The following PTPRD variants were observed in gnomAD, a reference collection of about 807,000 sequenced individuals.
The protein encoded by PTPRD is receptor-type tyrosine-protein phosphatase delta.
Under a neutral mutation model 214.5 loss-of-function variants are expected in PTPRD, and 34 were observed. That is an observed-to-expected ratio of 0.16 (90% confidence interval 0.12 to 0.21). PTPRD has a LOEUF of 0.21. Among genes scored for constraint, PTPRD ranks in the 10% least tolerant of loss-of-function variants. The pLI, the probability that PTPRD is intolerant of heterozygous loss-of-function variation, is 1.00. For synonymous variants in PTPRD, 1,128 were observed against 845.7 expected, an observed-to-expected ratio of 1.33 and a Z score of -5.79; for missense variants, 2,545 against 2,398.7, an observed-to-expected ratio of 1.06 and a Z score of -1.27.
At chr9:9,081,234 G>A (rs1020043463) in intron 10 of PTPRD, among the ~76,000 whole-genome samples, 15 of 151,992 alleles carry the variant, frequency 9.9e-5, no homozygotes, top group African/African-American at 3.6e-4. Flanking sequence ...ATTTATTTCT[G>A]CCTTAATTTC....
At chr9:8,868,640 C>T (rs567121063) in intron 11 of PTPRD, among the ~76,000 whole-genome samples, 17 of 152,004 alleles carry the variant, frequency 1.1e-4, no homozygotes, top group Non-Finnish European at 1.8e-4. Context: ...TCTTTTTTTT[C>T]TCCCAGCTCT....
chr9:10,451,560 T>C (rs1174746328), intron 2 of PTPRD, among the ~76,000 whole-genome samples: 2 of 151,640 alleles, frequency 1.3e-5, no homozygotes, highest in Non-Finnish European at 2.9e-5. Flanking sequence ...AATCGGATGA[T>C]TAAAATACTA....
At chr9:9,039,573 C>T (rs2099632858) in intron 10 of PTPRD, among the ~76,000 whole-genome samples, 3 of 152,114 alleles carry the variant, frequency 2.0e-5, no homozygotes, top group African/African-American at 7.2e-5. Flanking sequence ...CTTTCTGCTA[C>T]AAGAGTTGAT....
chr9:8,515,256 G>C (rs1471234482), intron 21 of PTPRD, among the ~76,000 whole-genome samples: 1 of 152,144 alleles, frequency 6.6e-6, no homozygotes, highest in East Asian at 1.9e-4. Context: ...TGGCAAGTGG[G>C]ATAATTCCAC....
At chr9:9,753,884 T>G (rs1162437504) in intron 6 of PTPRD, among the ~76,000 whole-genome samples, 1 of 152,020 alleles carries the variant, frequency 6.6e-6, no homozygotes, top group African/African-American at 2.4e-5. Context: ...AATTCTTCCC[T>G]TAAGAACCTA....
At chr9:8,601,150 T>A (rs1251819699) in intron 14 of PTPRD, among the ~76,000 whole-genome samples, 1 of 152,106 alleles carries the variant, frequency 6.6e-6, no homozygotes, top group African/African-American at 2.4e-5. Flanking sequence ...GGTGTGATGT[T>A]CCTCTATCTG....
Position 8,700,174 on chromosome 9 carries a change from T to C in PTPRD, c.64+33606A>G, listed in dbSNP as rs543483350. Among the ~76,000 whole-genome samples, 18 of 152,336 alleles carry C rather than the reference T, an allele frequency of 1.2e-4. No individual in the cohort carries two copies. In the South Asian group the frequency reaches 1.9e-3, roughly 16 times the overall value. On this transcript the variant is annotated intron_variant, in intron 12 of 45. Coordinates refer to ENST00000381196, the MANE Select transcript of PTPRD (RefSeq NM_002839.4). ...CAATGCATGTGACATTCTGCTGCTG[T>C]AAATCTTAATGGAAACTATATAATT...
At chr9:9,080,352 T>C (rs1427814136) in intron 10 of PTPRD, among the ~76,000 whole-genome samples, 1 of 152,042 alleles carries the variant, frequency 6.6e-6, no homozygotes. Flanking sequence ...TTTAAAACGG[T>C]TGTGCTCAAA....
At chr9:9,294,045 G>A (rs1251467897) in intron 9 of PTPRD, among the ~76,000 whole-genome samples, 1 of 151,580 alleles carries the variant, frequency 6.6e-6, no homozygotes, top group Non-Finnish European at 1.5e-5. Flanking sequence ...TACTGCCACA[G>A]TTGACCTGAT....
chr9:8,513,917 T>G (rs1462638299), intron 21 of PTPRD, among the ~76,000 whole-genome samples: 1 of 152,108 alleles, frequency 6.6e-6, no homozygotes, highest in East Asian at 1.9e-4. Context: ...TCAATCAACA[T>G]GTATTAAAAG....
At chr9:8,604,013 T>G (rs986853339) in intron 14 of PTPRD, among the ~76,000 whole-genome samples, 1 of 152,184 alleles carries the variant, frequency 6.6e-6, no homozygotes, top group Non-Finnish European at 1.5e-5. Context: ...ACTACATATA[T>G]CCAAAATTAA....
At chr9:9,394,443 T>C (rs10977721) in intron 9 of PTPRD, among the ~76,000 whole-genome samples, 39,780 of 151,958 alleles carry the variant, frequency 0.26, 5,311 homozygotes, top group Middle Eastern at 0.29. Context: ...TGATTGGAAG[T>C]TTACAGGACA....
At chr9:10,257,945 G>T (rs2093405086) in intron 3 of PTPRD, among the ~76,000 whole-genome samples, 1 of 152,200 alleles carries the variant, frequency 6.6e-6, no homozygotes, top group South Asian at 2.1e-4. Context: ...AAGAAAGCGG[G>T]TGTGTGTTAT....
intron 11 of PTPRD, among the ~76,000 whole-genome samples, chr9:8,931,287 T>C (rs2098950655): frequency 6.6e-6 from 1 of 151,956 alleles, no homozygotes; most frequent in African/African-American, 2.4e-5. Flanking sequence ...TGTGGTATTA[T>C]TTTTGAGGGC....
At chr9:8,824,274 C>T (rs7864464) in intron 11 of PTPRD, among the ~76,000 whole-genome samples, 70,633 of 151,990 alleles carry the variant, frequency 0.46, 16,949 homozygotes, top group African/African-American at 0.59. Flanking sequence ...GTTAGCACAC[C>T]TTTGACATTT....
At chr9:8,354,556 T>C (rs1026521465) in intron 39 of PTPRD, among the ~76,000 whole-genome samples, 5 of 152,246 alleles carry the variant, frequency 3.3e-5, no homozygotes, top group Admixed American at 6.5e-5. Flanking sequence ...CAGTTTCTAA[T>C]AAATTTTGGA....
At chr9:10,506,485 G>A (rs1257607305) in intron 2 of PTPRD, among the ~76,000 whole-genome samples, 1 of 152,060 alleles carries the variant, frequency 6.6e-6, no homozygotes, top group Non-Finnish European at 1.5e-5. Context: ...TAATTGGATT[G>A]TTTGTAGCAC....
chr9:9,136,794 A>T (rs2154478511), intron 10 of PTPRD, among the ~76,000 whole-genome samples: 1 of 152,340 alleles, frequency 6.6e-6, no homozygotes, highest in South Asian at 2.1e-4. Context: ...AGTTTAACAT[A>T]AATGTAAAAA....
chr9:9,306,111 C>T (rs1957046620), intron 9 of PTPRD, among the ~76,000 whole-genome samples: 1 of 152,110 alleles, frequency 6.6e-6, no homozygotes, highest in Admixed American at 6.6e-5. Flanking sequence ...AAGATAAGAA[C>T]CCTACCAAAA....
Sources: allele counts gnomAD v4.1 joint callset (sites outside exome capture counted in the v4.1 genomes callset), GRCh38; gene constraint gnomAD v4.1.1; transcripts MANE v1.5; gene names NCBI Gene and HGNC (gene_info 2026-07-23, HGNC 2026-07-21).